GRK3: variants seen among roughly 807,000 people sequenced by gnomAD.
GRK3 encodes adrenergic, beta, receptor kinase 2.
A neutral mutation model predicts 95.7 loss-of-function variants in GRK3; 54 were observed. That is an observed-to-expected ratio of 0.56 (90% CI 0.45 to 0.71). GRK3 has a LOEUF of 0.71. GRK3 is among the 30% of genes least tolerant of loss of function. The pLI, the probability that GRK3 is intolerant of heterozygous loss-of-function variation, is 0.00. For missense variants in GRK3, 649 were observed against 851.2 expected, an observed-to-expected ratio of 0.76 and a Z score of 2.96; for synonymous variants, 281 against 290.8, an observed-to-expected ratio of 0.97 and a Z score of 0.34.
chr22:25,579,718 C>T (rs543015191), intron 1 of GRK3, among the ~76,000 whole-genome samples: 6 of 152,030 alleles, frequency 3.9e-5, no homozygotes, highest in African/African-American at 7.2e-5. Flanking sequence ...GTGATCTGCC[C>T]GCCTCAGCCT....
chr22:25,632,873 A>G (rs2084673554), intron 2 of GRK3, among the ~76,000 whole-genome samples: 1 of 152,096 alleles, frequency 6.6e-6, no homozygotes, highest in African/African-American at 2.4e-5. Flanking sequence ...CTCCAACAGC[A>G]TACTGCCTGG....
At chr22:25,681,431 G>T (rs573203551) in intron 9 of GRK3, among the ~76,000 whole-genome samples, 1 of 151,994 alleles carries the variant, frequency 6.6e-6, no homozygotes, top group African/African-American at 2.4e-5. Flanking sequence ...AGGAGCCAGT[G>T]CACGTGGCTC....
intron 19 of GRK3, among the ~76,000 whole-genome samples, chr22:25,720,668 G>A (rs1236381154): frequency 1.3e-5 from 2 of 151,664 alleles, no homozygotes; most frequent in South Asian, 2.1e-4. Context: ...GTAGAGACGG[G>A]GTTTCACCAT....
chr22:25,721,783 A>G (rs533733964), intron 20 of GRK3, among the ~76,000 whole-genome samples: 5 of 152,322 alleles, frequency 3.3e-5, no homozygotes, highest in South Asian at 4.1e-4. Context: ...CTTTTCCTCA[A>G]AGTTACATTG....
Position 25,723,980 on chromosome 22 carries a change from A to C in GRK3, c.*1530A>C, listed in dbSNP as rs370896299. 3 of 149,352 alleles carry C rather than the reference A, an allele frequency of 2.0e-5. No individual in the cohort carries two copies. Among genetic ancestry groups the C allele is most frequent in the African/African-American group, 7.4e-5 (3 of 40,620 alleles). The allele number at this position is 149,352 out of a possible 1,614,324, so 9.3% of individuals were successfully genotyped here. On this transcript the variant is annotated 3_prime_UTR_variant, in exon 21 of 21. Coordinates refer to ENST00000324198, the MANE Select transcript of GRK3 (RefSeq NM_005160.4). ...AAAATGTGGGTTTTTTTTTTTGTCT[A>C]TCTCAACTACTAGTTGGGGTTTAAA...
Position 25,710,971 on chromosome 22 carries a change from C to T in GRK3, c.1396-97C>T, listed in dbSNP as rs115871298. On this transcript the variant is annotated intron_variant, in intron 16 of 20. Coordinates refer to ENST00000324198, the MANE Select transcript of GRK3 (RefSeq NM_005160.4). ...ATGACATGCTGCGCAGTGGAGCATGCGGATATCTCGCACTGTGCTGTCTTT... is the reference window on the plus strand; with the variant it reads ...ATGACATGCTGCGCAGTGGAGCATGTGGATATCTCGCACTGTGCTGTCTTT... 7.2e-4 allele frequency: 430 copies of T among 594,686 alleles called. 5 individuals are homozygous for T. The highest frequency in any genetic ancestry group is 5.7e-3 in the African/African-American group (307 of 53,824). 36.8% of individuals were successfully genotyped at this position (594,686 alleles called of 1,614,324 possible). A position where few individuals can be genotyped will look rare whatever the true frequency, so the allele number is the denominator to read the frequency against.
chr22:25,565,650 G>A (rs553086203), intron 1 of GRK3, among the ~76,000 whole-genome samples: 1 of 152,326 alleles, frequency 6.6e-6, no homozygotes, highest in South Asian at 2.1e-4. Context: ...CCTGGGGACT[G>A]CAGGCTTGTT....
At chr22:25,625,587 G>C (rs1280949394) in intron 2 of GRK3, among the ~76,000 whole-genome samples, 1 of 152,168 alleles carries the variant, frequency 6.6e-6, no homozygotes. Context: ...GTTTAGAGAA[G>C]ACTCTGCTCC....
At chr22:25,696,392 A>G (rs749668829) in intron 13 of GRK3, among the ~76,000 whole-genome samples, 9 of 152,212 alleles carry the variant, frequency 5.9e-5, no homozygotes, top group Non-Finnish European at 1.2e-4. Flanking sequence ...AGATGATGAA[A>G]TAGAGTAGAA....
chr22:25,692,684 G>A (rs2085174498), intron 12 of GRK3, among the ~76,000 whole-genome samples: 2 of 152,200 alleles, frequency 1.3e-5, no homozygotes, highest in African/African-American at 4.8e-5. Context: ...ATTTATAGGT[G>A]TCACTATCCA....
rs1601436932 is a variant in GRK3 at position 25,564,779 on chromosome 22, G to A, written c.-262G>A. On this transcript the variant is annotated 5_prime_UTR_variant, in exon 1 of 21. Coordinates refer to ENST00000324198, the MANE Select transcript of GRK3 (RefSeq NM_005160.4). ...CGCAGACCCTCGCTGAAGGAGCAGG[G>A]GGCGGCGCGCGTGCGCGGGGCGCCG... 1 of 150,058 alleles carries A rather than the reference G, an allele frequency of 6.7e-6. No individual in the cohort carries two copies. Among genetic ancestry groups the A allele is most frequent in the East Asian group, 2.0e-4 (1 of 5,060 alleles). 9.3% of individuals were successfully genotyped at this position (150,058 alleles called of 1,614,324 possible).
intron 1 of GRK3, among the ~76,000 whole-genome samples, chr22:25,577,449 A>G (rs150904046): frequency 9.2e-5 from 14 of 152,346 alleles, no homozygotes; most frequent in African/African-American, 3.4e-4. Context: ...TGTTGGGATT[A>G]CAGGCATGAG....
intron 2 of GRK3, among the ~76,000 whole-genome samples, chr22:25,615,423 A>G (rs932733601): frequency 6.6e-6 from 1 of 152,144 alleles, no homozygotes; most frequent in African/African-American, 2.4e-5. Flanking sequence ...GCATTGTCAT[A>G]ATATCTTCTG....
At chr22:25,650,585 A>G (rs568910922) in intron 3 of GRK3, among the ~76,000 whole-genome samples, 2 of 152,314 alleles carry the variant, frequency 1.3e-5, no homozygotes, top group East Asian at 3.9e-4. Context: ...TATTTCAAAG[A>G]AATACGAGAA....
At chr22:25,695,910 T>G (rs1204832493) in intron 13 of GRK3, among the ~76,000 whole-genome samples, 2 of 150,932 alleles carry the variant, frequency 1.3e-5, no homozygotes. Context: ...CTCTGCTCAC[T>G]GCAAGCTCCG....
At chr22:25,695,032 C>T (rs2085196012) in intron 12 of GRK3, 75 bp from the exon 13 acceptor site, 1 of 1,036,126 alleles carries the variant, frequency 9.7e-7, no homozygotes, top group Admixed American at 1.9e-5. Context: ...TGAAGGACAC[C>T]CGGACCTTGG....
At chr22:25,624,360 G>A (rs1053279729) in intron 2 of GRK3, among the ~76,000 whole-genome samples, 1 of 152,074 alleles carries the variant, frequency 6.6e-6, no homozygotes, top group East Asian at 1.9e-4. Flanking sequence ...TCAGGAGATC[G>A]AGACCATCCT....
At chr22:25,659,829 CAG>C (rs2084898534) in intron 3 of GRK3, among the ~76,000 whole-genome samples, 1 of 152,174 alleles carries the variant, frequency 6.6e-6, no homozygotes, top group African/African-American at 2.4e-5. Context: ...TTAGTCAAGA[CAG>C]TGTTGTGGTT....
At chr22:25,583,879 A>G (rs1313305093) in intron 1 of GRK3, among the ~76,000 whole-genome samples, 5 of 152,246 alleles carry the variant, frequency 3.3e-5, no homozygotes, top group African/African-American at 9.6e-5. Flanking sequence ...GAAATATTGT[A>G]TAGGTTATAA....
Sources: gnomAD v4.1 joint callset for allele counts (sites outside exome capture counted in the v4.1 genomes callset) on GRCh38, gnomAD v4.1.1 for gene constraint, MANE v1.5 for transcripts, NCBI Gene and HGNC (gene_info 2026-07-23, HGNC 2026-07-21) for gene names.